DIPK1A: variants seen among roughly 807,000 people sequenced by gnomAD.
DIPK1A encodes family with sequence similarity 69 member A.
Under a neutral mutation model 40.8 loss-of-function variants are expected in DIPK1A, and 27 were observed. The ratio of observed to expected loss-of-function variants is 0.66; its 90% CI spans 0.49 to 0.91. DIPK1A has a LOEUF of 0.91. Among genes scored for constraint, DIPK1A ranks in the 40% least tolerant of loss-of-function variants. The pLI is 0.00. For missense variants in DIPK1A, 412 were observed against 505.7 expected (o/e 0.81, Z 1.78); for synonymous variants, 166 against 171.3 (o/e 0.97, Z 0.24).
At chr1:92,894,882 G>A (rs1649088772) in intron 1 of DIPK1A, among the ~76,000 whole-genome samples, 1 of 152,038 alleles carries the variant, frequency 6.6e-6, no homozygotes. Context: ...ACACCTCTAC[G>A]CAAATAAACT....
rs551508163 is a variant in DIPK1A at position 92,945,892 on chromosome 1, G to A, written c.54+15484C>T. Among the ~76,000 whole-genome samples, 241 of 152,298 alleles carry A rather than the reference G, an allele frequency of 1.6e-3. 1 individual carries two copies. The highest frequency in any genetic ancestry group is 5.6e-3 in the African/African-American group (233 of 41,570). ...ACTGTTCAGGGGAGAAACTGTGGCC[G>A]ATGGACAGTGATTTCAAATCATAAT... On this transcript the variant is annotated intron_variant, in intron 1 of 4. Coordinates refer to ENST00000370310, the MANE Select transcript of DIPK1A (RefSeq NM_001006605.5).
intron 1 of DIPK1A, among the ~76,000 whole-genome samples, chr1:92,911,270 G>A (rs1006588918): frequency 6.6e-6 from 1 of 152,178 alleles, no homozygotes; most frequent in Non-Finnish European, 1.5e-5. Flanking sequence ...TATAACAGAG[G>A]CCCCAGAAAG....
At chr1:92,908,606 G>C (rs1430960811) in intron 1 of DIPK1A, among the ~76,000 whole-genome samples, 1 of 152,192 alleles carries the variant, frequency 6.6e-6, no homozygotes, top group African/African-American at 2.4e-5. Context: ...CAACCAGGTA[G>C]ATACCTCTTA....
chr1:92,876,911 G>T, intron 1 of DIPK1A: 1 of 876,760 alleles, frequency 1.1e-6, no homozygotes, highest in Non-Finnish European at 1.4e-6. Flanking sequence ...CTGACAACCA[G>T]AACAAGAAAT....
At chr1:92,948,751 A>C (rs375401717) in intron 1 of DIPK1A, among the ~76,000 whole-genome samples, 1 of 143,714 alleles carries the variant, frequency 7.0e-6, no homozygotes, top group Non-Finnish European at 1.5e-5. Flanking sequence ...ATATATACAT[A>C]TATATGTATA....
chr1:92,843,371 T>C lies in DIPK1A; in HGVS notation c.*12A>G, dbSNP rs767694944. Reference sequence around the variant, plus strand: ...GGCAGGTTTCTTAAAATGGTAATTATGTCCAAATGAACTAAGAGTCATTAG... The same window carrying C: ...GGCAGGTTTCTTAAAATGGTAATTACGTCCAAATGAACTAAGAGTCATTAG... On this transcript the variant is annotated 3_prime_UTR_variant, in exon 5 of 5. Coordinates refer to ENST00000370310, the MANE Select transcript of DIPK1A (RefSeq NM_001006605.5). The C allele has an allele frequency of 1.8e-5, 27 of 1,483,740 alleles. No homozygotes were observed. The South Asian group carries it at 2.9e-4, about 16-fold the overall frequency. 91.9% of individuals were successfully genotyped at this position (1,483,740 alleles called of 1,614,324 possible).
At chr1:92,907,307 G>A (rs1431591528) in intron 1 of DIPK1A, among the ~76,000 whole-genome samples, 2 of 151,990 alleles carry the variant, frequency 1.3e-5, no homozygotes, top group Non-Finnish European at 2.9e-5. Context: ...CTGCAGTATT[G>A]TCTTAAAAAT....
At chr1:92,885,947 G>A (rs1021048647) in intron 1 of DIPK1A, among the ~76,000 whole-genome samples, 1 of 152,018 alleles carries the variant, frequency 6.6e-6, no homozygotes, top group Admixed American at 6.6e-5. Context: ...AAATAAAGTT[G>A]GGGTCATATG....
chr1:92,844,816 C>T (rs974969272), intron 4 of DIPK1A, among the ~76,000 whole-genome samples: 3 of 151,454 alleles, frequency 2.0e-5, no homozygotes, highest in Admixed American at 6.6e-5. Context: ...AAAGTATTTC[C>T]GTTAGTCTGA....
chr1:92,938,627 ATT>A (rs1189261494), intron 1 of DIPK1A, among the ~76,000 whole-genome samples: 1 of 152,186 alleles, frequency 6.6e-6, no homozygotes, highest in Non-Finnish European at 1.5e-5. Flanking sequence ...GCCATAATGT[ATT>A]TTTGGAAAGT....
intron 1 of DIPK1A, among the ~76,000 whole-genome samples, chr1:92,884,790 T>C (rs760197665): frequency 2.0e-5 from 3 of 152,216 alleles, no homozygotes; most frequent in African/African-American, 7.2e-5. Flanking sequence ...ATACTTCAGA[T>C]TCTAAAGCAT....
chr1:92,877,187 C>T, intron 1 of DIPK1A: 2 of 970,320 alleles, frequency 2.1e-6, no homozygotes, highest in Non-Finnish European at 2.5e-6. Context: ...AATTGCAACT[C>T]GGGCTGGTTG....
At chr1:92,838,047 G>A (rs1240195324), downstream of DIPK1A, among the ~76,000 whole-genome samples, 2 of 152,216 alleles carry the variant, frequency 1.3e-5, no homozygotes, top group Non-Finnish European at 2.9e-5. Context: ...GCGTGATGTT[G>A]TAGAAATGAG....
rs190196082 is a variant in DIPK1A, at chr1:92,860,313, G to A, written c.190-9358C>T. On this transcript the variant is annotated intron_variant, in intron 2 of 4. Transcript: ENST00000370310. ...TCTGGACTCAGTAGGTCTTGGATTA[G>A]GCTGAAAATATGCATTAATTTTAAG... 3.5e-3 allele frequency among the ~76,000 whole-genome samples: 532 copies of A among 152,148 alleles called. 5 individuals carry two copies. The highest frequency in any genetic ancestry group is 5.1e-3 in the Non-Finnish European group (349 of 68,008).
In DIPK1A at chr1:92,939,585, T is replaced by C. The variant is rs572916355; in HGVS notation, c.54+21791A>G. ...CCCTCTGCTTCCCCACCTTCCCATA[T>C]GCCCCCTTCCACCCAATGATACCCC... On this transcript the variant is annotated intron_variant, in intron 1 of 4. Transcript: ENST00000370310. Among the ~76,000 whole-genome samples the C allele has an allele frequency of 7.9e-5, 12 of 152,282 alleles. No homozygotes were observed. The South Asian group carries it at 2.5e-3, about 32-fold the overall frequency.
downstream of DIPK1A, chr1:92,837,736 A>G (rs1687184783): frequency 2.2e-6 from 2 of 903,702 alleles, no homozygotes; most frequent in Admixed American, 2.0e-5. Context: ...GTGTTTCTTG[A>G]CAACATGAGC....
In DIPK1A at chr1:92,847,213, T is replaced by C; in HGVS notation, c.444A>G (p.Lys148=). The C allele has an allele frequency of 6.3e-7, 1 of 1,586,936 alleles. No homozygotes were observed. The highest frequency in any genetic ancestry group is 8.6e-7 in the Non-Finnish European group (1 of 1,165,596). Residue 148 remains lysine (K), a synonymous_variant, in exon 4 of 5, where the codon AAA becomes AAG. Coordinates refer to ENST00000370310, the MANE Select transcript of DIPK1A (RefSeq NM_001006605.5). Reference sequence around the variant, plus strand: ...AGAGACTATAGACCATTTCTTTAAATTTTTGTACAGTAGTTCCTCTAGTTG... The same window carrying C: ...AGAGACTATAGACCATTTCTTTAAACTTTTGTACAGTAGTTCCTCTAGTTG... ...DKPTRGTTVQ[K]FKEMVYSLFK...
At chr1:92,946,089 A>C (rs535796114) in intron 1 of DIPK1A, among the ~76,000 whole-genome samples, 2 of 152,258 alleles carry the variant, frequency 1.3e-5, no homozygotes, top group South Asian at 4.2e-4. Context: ...AGCTTCTGGG[A>C]AGGGACAAAT....
chr1:92,833,088 A>T, intron 4 of DIPK1A: 1 of 709,000 alleles, frequency 1.4e-6, no homozygotes, highest in Admixed American at 2.0e-5. Flanking sequence ...TGAAAGCAAT[A>T]TAACAATAAT....
Sources: gnomAD v4.1 joint callset for allele counts (sites outside exome capture counted in the v4.1 genomes callset) on GRCh38, gnomAD v4.1.1 for gene constraint, MANE v1.5 for transcripts, NCBI Gene and HGNC (gene_info 2026-07-23, HGNC 2026-07-21) for gene names.